HEPACAM2: variants seen among roughly 807,000 people sequenced by gnomAD.
HEPACAM2 encodes the protein mitotic kinetics regulator.
A neutral mutation model predicts 49.6 loss-of-function variants in HEPACAM2; 49 were observed. That is an observed-to-expected ratio of 0.99 (90% CI 0.78 to 1.25). The LOEUF (loss-of-function observed/expected upper bound fraction) is 1.25, where lower values mean the gene tolerates loss of function less well. Ranked by LOEUF, HEPACAM2 falls within the 50% of genes most tolerant of loss-of-function variation. The probability of loss-of-function intolerance (pLI) is 0.00; values close to 1 mark genes in which losing one functional copy is unlikely to be tolerated. For synonymous variants in HEPACAM2, 197 were observed against 202.9 expected (o/e 0.97, Z 0.25); for missense variants, 525 against 557.2 (o/e 0.94, Z 0.58).
At chr7:93,199,260 GAA>G (rs1793817836) in intron 4 of HEPACAM2, among the ~76,000 whole-genome samples, 2 of 152,018 alleles carry the variant, frequency 1.3e-5, no homozygotes, top group Non-Finnish European at 2.9e-5. Context: ...TTGGCTAGAA[GAA>G]ATAAATGCAA....
chr7:93,193,314 T>G (rs1251568027), intron 8 of HEPACAM2, among the ~76,000 whole-genome samples: 1 of 152,174 alleles, frequency 6.6e-6, no homozygotes, highest in Non-Finnish European at 1.5e-5. Flanking sequence ...ATATGTGATT[T>G]CTTCTGTCAT....
chr7:93,196,006 G>T, intron 7 of HEPACAM2, 105 bp from the exon 8 acceptor site: 1 of 749,422 alleles, frequency 1.3e-6, no homozygotes, highest in Non-Finnish European at 2.2e-6. Context: ...AAATGGTATA[G>T]GTACAAAATG....
At chr7:93,196,813 C>T (rs990717430) in intron 7 of HEPACAM2, among the ~76,000 whole-genome samples, 1 of 152,130 alleles carries the variant, frequency 6.6e-6, no homozygotes, top group African/African-American at 2.4e-5. Context: ...TGGCCCCTGC[C>T]AAATCTTCTT....
upstream of HEPACAM2, among the ~76,000 whole-genome samples, chr7:93,229,789 A>G (rs1308109857): frequency 2.6e-5 from 4 of 152,202 alleles, no homozygotes; most frequent in Non-Finnish European, 5.9e-5. Context: ...TACCTTTTTG[A>G]AAATTGGAAA....
chr7:93,215,286 A>G (rs1794272820), intron 3 of HEPACAM2, 115 bp downstream of exon 3: 3 of 891,600 alleles, frequency 3.4e-6, no homozygotes, highest in Non-Finnish European at 5.1e-6. Flanking sequence ...ATTGAACTAC[A>G]ATAATGGTAA....
intron 1 of HEPACAM2, 124 bp downstream of exon 1, chr7:93,226,244 G>C: frequency 1.5e-6 from 1 of 670,760 alleles, no homozygotes; most frequent in South Asian, 1.9e-5. Flanking sequence ...TTGTTAAAAG[G>C]TTCTGACCTG....
At chr7:93,199,100 C>T (rs1466804545) in intron 4 of HEPACAM2, among the ~76,000 whole-genome samples, 1 of 152,056 alleles carries the variant, frequency 6.6e-6, no homozygotes, top group African/African-American at 2.4e-5. Flanking sequence ...TTTTCATTAT[C>T]AAAAATCTTC....
At chr7:93,222,630 T>G (rs1214554747) in intron 1 of HEPACAM2, among the ~76,000 whole-genome samples, 1 of 152,184 alleles carries the variant, frequency 6.6e-6, no homozygotes, top group Admixed American at 6.5e-5. Flanking sequence ...GGACACATAC[T>G]TGGGGTAAAA....
Position 93,208,626 on chromosome 7 carries a change from G to A in HEPACAM2, c.966C>T (p.Thr322=), listed in dbSNP as rs144849264. Residue 322 remains threonine (T), a synonymous_variant, in exon 4 of 10, where the codon ACC becomes ACT. Transcript: ENST00000394468. ...TGAAATGAGTTTCATCTTGCCTGCC[G>A]GTTATGTTGTTGTAAGCACAGCACA... ...DYVCCAYNNI[T]GRQDETHFTV... The A allele has an allele frequency of 1.6e-5, 26 of 1,612,794 alleles. No homozygotes were observed. The African/African-American group carries it at 2.3e-4, about 14-fold the overall frequency.
At chr7:93,213,210 C>G (rs1794220529) in intron 3 of HEPACAM2, among the ~76,000 whole-genome samples, 1 of 151,824 alleles carries the variant, frequency 6.6e-6, no homozygotes, top group African/African-American at 2.4e-5. Flanking sequence ...GCAGTGGTTA[C>G]TGGGTTATTA....
the HEPACAM2 span, chr7:93,232,239 T>G: frequency 2.0e-6 from 1 of 505,832 alleles, no homozygotes; most frequent in Non-Finnish European, 3.6e-6. Flanking sequence ...CCCGCTCTTT[T>G]GCTTGCTGGG....
intron 7 of HEPACAM2, among the ~76,000 whole-genome samples, chr7:93,196,199 A>G (rs761545926): frequency 2.6e-5 from 4 of 152,128 alleles, no homozygotes; most frequent in Non-Finnish European, 4.4e-5. Flanking sequence ...ACTTGCAGTT[A>G]CCAGAGACTC....
In HEPACAM2 at chr7:93,215,537, G is replaced by A. The variant is rs1173001524; in HGVS notation, c.579C>T (p.Ser193=). 1.3e-5 allele frequency: 21 copies of A among 1,613,708 alleles called. No individual in the cohort carries two copies. The Admixed American group carries it at 2.8e-4, about 22-fold the overall frequency. ...TGTTTTGGGGAGAAAAGGAGTAGGT[G>A]GAGCTGGTGTGGACAGGTCTCCCAT... ...LKNGRPVHTS[S]TYSFSPQNNT... is the part of the protein sequence containing the mutation. The change falls in exon 3 of 10, where the codon TCC becomes TCT. Residue 193 remains serine (S), a synonymous_variant. Coordinates refer to ENST00000394468, the MANE Select transcript of HEPACAM2 (RefSeq NM_001039372.4).
At chr7:93,189,452 G>A (rs1353077105) in intron 9 of HEPACAM2, among the ~76,000 whole-genome samples, 182 bp from the exon 10 acceptor site, 1 of 151,892 alleles carries the variant, frequency 6.6e-6, no homozygotes, top group Admixed American at 6.6e-5. Context: ...ATTAAATTTT[G>A]TAGATAATTT....
In HEPACAM2 at chr7:93,222,196, C is replaced by T. The variant is rs2116725385; in HGVS notation, c.80-2745G>A. 1.3e-5 allele frequency among the ~76,000 whole-genome samples: 2 copies of T among 152,202 alleles called. 1 individual carries two copies. The highest frequency in any genetic ancestry group is 1.3e-4 in the Admixed American group (2 of 15,284). ...TGGGCCTTTGGATGGGAGATCAGCA[C>T]AGGAAAAGATTCCTCTTTGTCTATC... On this transcript the variant is annotated intron_variant, in intron 1 of 9. Coordinates refer to ENST00000394468, the MANE Select transcript of HEPACAM2 (RefSeq NM_001039372.4).
rs1355118639 is a variant in HEPACAM2 at position 93,226,424 on chromosome 7, TC to T, written c.22del (p.Glu8SerfsTer25). The T allele has an allele frequency of 5.0e-6, 8 of 1,613,394 alleles. No homozygotes were observed. Among genetic ancestry groups the T allele is most frequent in the Non-Finnish European group, 6.8e-6 (8 of 1,179,614 alleles). MGQDAFM[E>X]PFGDTLGVFQ... ...GACCCCAAGTGTGTCACCGAAGGGC[TC>T]CATGAAAGCATCCTGTCCCATGCAT... On this transcript the variant is annotated frameshift_variant, in exon 1 of 10. Transcript: ENST00000394468. LOFTEE classifies it high-confidence loss of function.
Position 93,208,682 on chromosome 7 carries a change from C to G in HEPACAM2, c.910G>C (p.Glu304Gln), listed in dbSNP as rs758444842. The G allele has an allele frequency of 5.6e-6, 9 of 1,613,216 alleles. No individual in the cohort carries two copies. The highest frequency in any genetic ancestry group is 1.1e-5 in the South Asian group (1 of 91,058). The change falls in exon 4 of 10, where the codon GAG becomes CAG. Residue 304 changes from glutamate (E) to glutamine (Q), a missense_variant. Glu to Gln is a conservative substitution (Grantham distance 29). Coordinates refer to ENST00000394468, the MANE Select transcript of HEPACAM2 (RefSeq NM_001039372.4). ...KHGPRLEVAS[E>Q]KVAQKTMDYV... ...TCCATTGTCTTCTGGGCTACTTTCT[C>G]AGATGCAACTTCTAAGCGAGGCCCA... is the stretch of plus-strand genomic sequence containing the variant.
chr7:93,209,366 C>G (rs889070159), intron 3 of HEPACAM2, among the ~76,000 whole-genome samples: 5 of 151,974 alleles, frequency 3.3e-5, no homozygotes, highest in Admixed American at 6.6e-5. Context: ...TACATGTATA[C>G]AGTGTGTAAT....
chr7:93,217,634 G>A (rs535439043), intron 2 of HEPACAM2, among the ~76,000 whole-genome samples: 2 of 152,238 alleles, frequency 1.3e-5, no homozygotes, highest in South Asian at 4.1e-4. Flanking sequence ...TTATTCCACA[G>A]ATAGTTGCTG....
Sources: gnomAD v4.1 joint callset for allele counts (sites outside exome capture counted in the v4.1 genomes callset) on GRCh38, gnomAD v4.1.1 for gene constraint, MANE v1.5 for transcripts, NCBI Gene and HGNC (gene_info 2026-07-23, HGNC 2026-07-21) for gene names.